KAT6A: variants seen among roughly 807,000 people sequenced by gnomAD.
KAT6A encodes histone acetyltransferase KAT6A.
Under a neutral mutation model 198.4 loss-of-function variants are expected in KAT6A, and 9 were observed. That is an observed-to-expected ratio of 0.05 (90% CI 0.03 to 0.08). The LOEUF (loss-of-function observed/expected upper bound fraction) is 0.08, where lower values mean the gene tolerates loss of function less well. Ranked by LOEUF, KAT6A falls within the 10% of genes least tolerant of loss-of-function variation. KAT6A has a pLI of 1.00. For missense variants in KAT6A, 2,077 were observed against 2,509.9 expected (o/e 0.83, Z 3.69); for synonymous variants, 890 against 883.0 (o/e 1.01, Z -0.14).
chr8:41,998,501 C>G (rs1377929741), intron 2 of KAT6A, among the ~76,000 whole-genome samples: 3 of 152,082 alleles, frequency 2.0e-5, no homozygotes, highest in Non-Finnish European at 2.9e-5. Context: ...TGACCAAATC[C>G]TTTCTGACAG....
intron 2 of KAT6A, among the ~76,000 whole-genome samples, chr8:42,006,887 T>C (rs571905278): frequency 1.7e-4 from 26 of 151,206 alleles, no homozygotes; most frequent in Non-Finnish European, 3.1e-4. Flanking sequence ...TCCCAGCTAC[T>C]TGGGAGGCTG....
intron 2 of KAT6A, among the ~76,000 whole-genome samples, chr8:42,019,298 T>C (rs552141312): frequency 6.6e-6 from 1 of 152,328 alleles, no homozygotes; most frequent in Non-Finnish European, 1.5e-5. Flanking sequence ...AAGATTCTTA[T>C]GTGCCAGGAA....
Position 41,933,848 on chromosome 8 carries a change from T to A in KAT6A, c.4372A>T (p.Ser1458Cys). ...GGGTCCTCGTCAGCCTGGGTGTAACTCTGCAGGGTCTGACACGCCGCAAGA... is the reference window on the plus strand; with the variant it reads ...GGGTCCTCGTCAGCCTGGGTGTAACACTGCAGGGTCTGACACGCCGCAAGA... ...ETLAACQTLQ[S>C]YTQADEDPQM... Residue 1458 changes from serine to cysteine, a missense_variant, in exon 17 of 17, where the codon AGT (serine) becomes TGT (cysteine). Physicochemically the swap from Ser to Cys is moderately radical, Grantham distance 112. Around this residue, in one of 13 missense-constraint regions of KAT6A, gnomAD observed 178 missense variants for 220.8 expected, o/e 0.81. Transcript: ENST00000265713. This position sits in a 1 kb window ranked among gnomAD's most constrained non-coding sequence, Gnocchi z 6.2. The A allele has an allele frequency of 1.2e-6, 2 of 1,614,084 alleles. No homozygotes were observed. The highest frequency in any genetic ancestry group is 1.7e-6 in the Non-Finnish European group (2 of 1,179,996).
At chr8:42,020,648 CA>C (rs1370284204) in intron 2 of KAT6A, among the ~76,000 whole-genome samples, 1 of 152,094 alleles carries the variant, frequency 6.6e-6, no homozygotes, top group Non-Finnish European at 1.5e-5. Context: ...GATAATTACT[CA>C]AGAGTAAAAG....
At chr8:42,011,447 C>T (rs1180204472) in intron 2 of KAT6A, among the ~76,000 whole-genome samples, 5 of 152,122 alleles carry the variant, frequency 3.3e-5, no homozygotes, top group Non-Finnish European at 7.4e-5. Flanking sequence ...AGTTAAAAAT[C>T]ACTACTTCGG....
At chr8:42,008,363 G>A (rs1297412202) in intron 2 of KAT6A, among the ~76,000 whole-genome samples, 2 of 151,796 alleles carry the variant, frequency 1.3e-5, no homozygotes, top group East Asian at 3.9e-4. Context: ...TTTGAGACAG[G>A]GTCTCACTCT....
intron 2 of KAT6A, among the ~76,000 whole-genome samples, chr8:42,046,136 G>A (rs1802279514): frequency 6.6e-6 from 1 of 152,110 alleles, no homozygotes. Context: ...GTCTTGCACT[G>A]TACTATATTT....
intron 2 of KAT6A, among the ~76,000 whole-genome samples, chr8:42,030,871 C>T (rs552945924): frequency 6.6e-6 from 1 of 152,076 alleles, no homozygotes; most frequent in South Asian, 2.1e-4. Flanking sequence ...AACCACTGTG[C>T]TCCGCCTCTC....
intron 2 of KAT6A, among the ~76,000 whole-genome samples, chr8:42,038,550 G>A (rs1483921644): frequency 2.0e-5 from 3 of 152,120 alleles, no homozygotes; most frequent in African/African-American, 7.2e-5. Flanking sequence ...AATGAAAAAA[G>A]CACAAAATTG....
intron 12 of KAT6A, among the ~76,000 whole-genome samples, chr8:41,944,260 T>C (rs1347957043): frequency 6.6e-6 from 1 of 152,202 alleles, no homozygotes; most frequent in East Asian, 1.9e-4. Context: ...TCAGGACTGT[T>C]AACAGTTTCG....
chr8:41,935,871 T>TA (rs1286376577), intron 16 of KAT6A, among the ~76,000 whole-genome samples: 2 of 152,264 alleles, frequency 1.3e-5, no homozygotes, highest in African/African-American at 2.4e-5. Flanking sequence ...AATAAATTTT[T>TA]AGTTTCCTAG....
Position 41,933,407 on chromosome 8 carries a change from C to A in KAT6A, c.4813G>T (p.Val1605Phe), listed in dbSNP as rs1271870766. 6.2e-7 allele frequency: 1 copy of A among 1,609,992 alleles called. No homozygotes were observed. The highest frequency in any genetic ancestry group is 1.7e-5 in the Admixed American group (1 of 59,934). Residue 1605 changes from valine to phenylalanine, a missense_variant, in exon 17 of 17, where the codon GTC becomes TTC. Coordinates refer to ENST00000265713, the MANE Select transcript of KAT6A (RefSeq NM_006766.5). The surrounding 1 kb of genome is among the most constrained non-coding windows in gnomAD (Gnocchi z 6.2). ...CCCATGCTGGCCATCTGCTGAGTGA[C>A]CACACAGCTGCTCTGGGTGAGGCTG... ...SSSLTQSSCV[V>F]TQQMASMGSS...
chr8:42,038,398 CA>C lies in KAT6A; in HGVS notation c.600+9979del, dbSNP rs201602316. ...TAGCTATTTTCACACACTGAAATAGCAGATTTATATATTTGTGGTTTACGAT... is the reference window on the plus strand; with the variant it reads ...TAGCTATTTTCACACACTGAAATAGCGATTTATATATTTGTGGTTTACGAT... On this transcript the variant is annotated intron_variant, in intron 2 of 16. Coordinates refer to ENST00000265713, the MANE Select transcript of KAT6A (RefSeq NM_006766.5). Among the ~76,000 whole-genome samples the C allele has an allele frequency of 1.1e-3, 172 of 152,282 alleles. 4 individuals are homozygous for C. The East Asian group carries it at 0.026, about 23-fold the overall frequency.
chr8:41,946,966 C>A, intron 11 of KAT6A, among the ~76,000 whole-genome samples: 1 of 152,200 alleles, frequency 6.6e-6, no homozygotes, highest in Admixed American at 6.5e-5. Context: ...GCCTAAGGAT[C>A]AGCACCGGAA....
At chr8:41,957,243 C>T (rs749593387) in intron 8 of KAT6A, 3 of 570,844 alleles carry the variant, frequency 5.3e-6, no homozygotes, top group Non-Finnish European at 1.1e-5. Flanking sequence ...ACCTTTGCAC[C>T]GTGAAACGTT....
At position 41,932,992 on chromosome 8, in the gene KAT6A, C is replaced by T. The variant is rs1239809357; in HGVS notation, c.5228G>A (p.Ser1743Asn). ...ERIPGDFGAGSYSQPSATFSL... is the reference protein window; with the variant it reads ...ERIPGDFGAGNYSQPSATFSL... ...GAAGGTGGCTGATGGTTGAGAGTAG[C>T]TGCCGGCACCAAAATCCCCTGGAAT... The change falls in exon 17 of 17, where the codon AGC (serine) becomes AAC (asparagine). Residue 1743 changes from serine (S) to asparagine (N), a missense_variant. Around this residue, in one of 13 missense-constraint regions of KAT6A, gnomAD observed 500 missense variants for 577.2 expected, o/e 0.87. Coordinates refer to ENST00000265713, the MANE Select transcript of KAT6A (RefSeq NM_006766.5). 1.2e-6 allele frequency: 2 copies of T among 1,614,152 alleles called. No homozygotes were observed. Among genetic ancestry groups the T allele is most frequent in the Non-Finnish European group, 8.5e-7 (1 of 1,179,996 alleles).
chr8:42,034,246 G>T (rs1827266339), intron 2 of KAT6A, among the ~76,000 whole-genome samples: 1 of 152,184 alleles, frequency 6.6e-6, no homozygotes, highest in South Asian at 2.1e-4. Context: ...TCGCCTGGAG[G>T]ACTTACTAAC....
chr8:41,947,791 T>C lies in KAT6A; in HGVS notation c.1862A>G (p.Asn621Ser), dbSNP rs1165456145. Residue 621 changes from asparagine (N) to serine (S), a missense_variant, in exon 11 of 17, where the codon AAT becomes AGT. Around this residue, in one of 13 missense-constraint regions of KAT6A, gnomAD observed 127 missense variants for 209.6 expected, o/e 0.61. Coordinates refer to ENST00000265713, the MANE Select transcript of KAT6A (RefSeq NM_006766.5). Reference sequence around the variant, plus strand: ...AACAAGGTGGCAGCCCTTGACATCATTCTGTGTTAGTACATAAAAAAGAAA... The same window carrying C: ...AACAAGGTGGCAGCCCTTGACATCACTCTGTGTTAGTACATAAAAAAGAAA... ...EPFLFYVLTQ[N>S]DVKGCHLVGY... 1.2e-5 allele frequency: 20 copies of C among 1,603,240 alleles called. No individual in the cohort carries two copies. The highest frequency in any genetic ancestry group is 1.6e-5 in the Non-Finnish European group (19 of 1,177,414).
rs1256007882 is a variant in KAT6A at position 42,050,569 on chromosome 8, T to A, written c.-325-1267A>T. Among the ~76,000 whole-genome samples, 4 of 152,232 alleles carry A rather than the reference T, an allele frequency of 2.6e-5. No individual in the cohort carries two copies. In the East Asian group the frequency reaches 7.7e-4, roughly 29 times the overall value. On this transcript the variant is annotated intron_variant, in intron 1 of 16. Transcript: ENST00000265713. The stretch of plus-strand genomic sequence containing the variant: ...AGGAAAGAAAAGAGTGAAGCAAACA[T>A]TCAAACCTGAGCCAAGATTTGTTTT...
Sources: gnomAD v4.1 joint callset for allele counts (sites outside exome capture counted in the v4.1 genomes callset) on GRCh38, gnomAD v4.1.1 for gene constraint, gnomAD v4.1.1 regional missense constraint, Gnocchi (gnomAD v3.1) non-coding constraint, MANE v1.5 for transcripts, NCBI Gene and HGNC (gene_info 2026-07-23, HGNC 2026-07-21) for gene names.